The following NEB variants were observed in gnomAD, a reference collection of about 807,000 sequenced individuals.
NEB encodes the protein nebulin.
NEB carries 512 observed loss-of-function variants against 952.2 expected under a neutral mutation model. That is an observed-to-expected ratio of 0.54 (90% CI 0.50 to 0.58). The LOEUF (loss-of-function observed/expected upper bound fraction) is 0.58. NEB is among the 20% of genes least tolerant of loss of function. NEB has a pLI of 0.00. For synonymous variants in NEB, 2,900 were observed against 3,149.8 expected, an observed-to-expected ratio of 0.92 and a Z score of 2.66; for missense variants, 8,428 against 9,231.1, an observed-to-expected ratio of 0.91 and a Z score of 3.56.
chr2:151,612,189 G>T lies in NEB; in HGVS notation c.11802C>A (p.Ser3934Arg). The change falls in exon 78 of 182, where the codon AGC becomes AGA. Residue 3934 changes from serine to arginine, a missense_variant. This residue lies in a region of NEB where 337 missense variants were observed against 297.5 expected (regional missense o/e 1.13). Transcript: ENST00000397345. ...CAGAAAACAGCTGGAGACTCACCTT[G>T]CTCATTGTCAGGGCATTATTCTTTG... ...VLAKNNALTM[S>R]KHLYTEAWDA... is the part of the protein sequence containing the mutation. The T allele has an allele frequency of 1.2e-6, 2 of 1,612,874 alleles. No homozygotes were observed. Among genetic ancestry groups the T allele is most frequent in the Non-Finnish European group, 1.7e-6 (2 of 1,179,116 alleles).
chr2:151,558,530 C>T (rs543499208), intron 124 of NEB, among the ~76,000 whole-genome samples: 71 of 151,704 alleles, frequency 4.7e-4, no homozygotes, highest in African/African-American at 1.5e-3. Flanking sequence ...GGAGGCATTA[C>T]GCTATCTGAC....
At chr2:151,657,286 C>G (rs1017213527) in intron 48 of NEB, among the ~76,000 whole-genome samples, 3 of 151,940 alleles carry the variant, frequency 2.0e-5, no homozygotes, top group Non-Finnish European at 2.9e-5. Context: ...GATGGGTGAC[C>G]AAGGAGAGAT....
intron 148 of NEB, among the ~76,000 whole-genome samples, chr2:151,526,557 A>G (rs1234629615): frequency 6.6e-6 from 1 of 152,198 alleles, no homozygotes; most frequent in East Asian, 1.9e-4. Flanking sequence ...TGAGCCCATT[A>G]TTATTCCGTC....
intron 165 of NEB, among the ~76,000 whole-genome samples, chr2:151,504,855 A>C (rs1463846386): frequency 6.6e-6 from 1 of 152,140 alleles, no homozygotes; most frequent in Non-Finnish European, 1.5e-5. Context: ...AGGTGCCTGA[A>C]ATTCCCATGA....
Position 151,631,352 on chromosome 2 carries a change from C to G in NEB, c.9415-6G>C, listed in dbSNP as rs2154073663. 4 of 1,606,488 alleles carry G rather than the reference C, an allele frequency of 2.5e-6. No homozygotes were observed. Among genetic ancestry groups the G allele is most frequent in the Non-Finnish European group, 3.4e-6 (4 of 1,174,644 alleles). The stretch of plus-strand genomic sequence containing the variant: ...AGATCTGACTTGTAAATATTCTGAG[C>G]AGAGGAAAAAAGTCAAAAACTCTTC... On this transcript the variant is annotated splice_region_variant and splice_polypyrimidine_tract_variant and intron_variant, in intron 65 of 181. Coordinates refer to ENST00000397345, the MANE Select transcript of NEB (RefSeq NM_001164508.2).
rs185862134 is a variant in NEB at position 151,503,242 on chromosome 2, G to C, written c.23835+107C>G. ...CAGGTAATAATACACAACACACACA[G>C]ACACACACAGAATTGCTGTTAAGAT... On this transcript the variant is annotated intron_variant, in intron 166 of 181. Transcript: ENST00000397345. 6.4e-5 allele frequency: 52 copies of C among 809,614 alleles called. No individual in the cohort carries two copies. In the East Asian group the frequency reaches 7.3e-4, roughly 11 times the overall value. 50.2% of individuals were successfully genotyped at this position (809,614 alleles called of 1,614,324 possible).
chr2:151,670,991 C>T (rs374044989), intron 38 of NEB, 32 bp downstream of exon 38: 160 of 1,588,216 alleles, frequency 1.0e-4, no homozygotes, highest in Non-Finnish European at 1.3e-4. Context: ...TGGTTATTTA[C>T]GGGCAAATCA....
In NEB at chr2:151,633,930, G is replaced by A. The variant is rs774106087; in HGVS notation, c.9138C>T (p.Gly3046=). The A allele has an allele frequency of 1.2e-5, 20 of 1,613,582 alleles. No individual in the cohort carries two copies. The highest frequency in any genetic ancestry group is 4.2e-6 in the Non-Finnish European group (5 of 1,179,664). Residue 3046 remains glycine, a synonymous_variant, in exon 65 of 182, where the codon GGC becomes GGT. Coordinates refer to ENST00000397345, the MANE Select transcript of NEB (RefSeq NM_001164508.2). ...KYKDGYCKQL[G]HHIGARNIED... is the part of the protein sequence containing the mutation. ...CAATGTTCCGGGCTCCAATATGGTG[G>A]CCAAGTTGCTTGCAGTAACCATCTT...
chr2:151,682,826 A>G (rs2148742342), intron 28 of NEB, 57 bp from the exon 29 acceptor site: 1 of 1,440,390 alleles, frequency 6.9e-7, no homozygotes, highest in East Asian at 2.4e-5. Context: ...ATTATGTAAA[A>G]TCATCAAAGT....
chr2:151,507,721 T>C, intron 162 of NEB: 1 of 352,098 alleles, frequency 2.8e-6, no homozygotes, highest in Non-Finnish European at 5.2e-6. Flanking sequence ...ATCTGTCTTT[T>C]GTTACAGGGG....
At chr2:151,639,773 T>A in intron 62 of NEB, 84 bp downstream of exon 62, 1 of 1,182,256 alleles carries the variant, frequency 8.5e-7, no homozygotes, top group Non-Finnish European at 1.2e-6. Flanking sequence ...TATTACTCAA[T>A]GTTCTTTCTT....
intron 55 of NEB, among the ~76,000 whole-genome samples, chr2:151,645,592 G>A (rs553416014): frequency 3.3e-5 from 5 of 152,244 alleles, no homozygotes; most frequent in East Asian, 3.9e-4. Flanking sequence ...TCAGTCCTTC[G>A]TGGAACTACT....
At position 151,570,058 on chromosome 2, in the gene NEB, A is replaced by G. The variant is rs558350064; in HGVS notation, c.17430+23T>C. On this transcript the variant is annotated intron_variant, in intron 109 of 181. Coordinates refer to ENST00000397345, the MANE Select transcript of NEB (RefSeq NM_001164508.2). Reference sequence around the variant, plus strand: ...TCATGGCAAACTGAGAAAAGAGTTCAACCCCAAATGCAGCCCACTCACATC... The same window carrying G: ...TCATGGCAAACTGAGAAAAGAGTTCGACCCCAAATGCAGCCCACTCACATC... 1.4e-5 allele frequency: 22 copies of G among 1,584,128 alleles called. No homozygotes were observed. In the African/African-American group the frequency reaches 2.1e-4, roughly 15 times the overall value.
At chr2:151,660,141 T>C (rs2099130795) in intron 46 of NEB, among the ~76,000 whole-genome samples, 1 of 152,194 alleles carries the variant, frequency 6.6e-6, no homozygotes, top group African/African-American at 2.4e-5. Flanking sequence ...TACAAAGATC[T>C]AGCCATTTCA....
intron 13 of NEB, among the ~76,000 whole-genome samples, chr2:151,705,278 T>C (rs1461640087): frequency 6.6e-6 from 1 of 152,212 alleles, no homozygotes; most frequent in South Asian, 2.1e-4. Context: ...GTTTTAAATA[T>C]GCAGCTGATA....
rs184454057 is a variant in NEB, at chr2:151,527,054, A to G, written c.21841-32T>C. Reference sequence around the variant, plus strand: ...TAGAAGAAAGGCAGAAGAAAAGGGAAGGGTGACAGCACAGGAGGAAGCTGG... The same window carrying G: ...TAGAAGAAAGGCAGAAGAAAAGGGAGGGGTGACAGCACAGGAGGAAGCTGG... On this transcript the variant is annotated intron_variant, in intron 147 of 181. Coordinates refer to ENST00000397345, the MANE Select transcript of NEB (RefSeq NM_001164508.2). The G allele has an allele frequency of 1.0e-5, 15 of 1,433,598 alleles. No homozygotes were observed. The East Asian group carries it at 2.6e-4, about 25-fold the overall frequency. The allele number at this position is 1,433,598 out of a possible 1,614,324, so 88.8% of individuals were successfully genotyped here. A position where few individuals can be genotyped will look rare whatever the true frequency, so the allele number is the denominator to read the frequency against.
At chr2:151,495,304 A>G (rs1049382745) in intron 173 of NEB, 6 of 152,214 alleles carry the variant, frequency 3.9e-5, no homozygotes, top group Non-Finnish European at 7.3e-5. Context: ...GTGATTCTCA[A>G]CGTGGGGTCC....
intron 48 of NEB, 37 bp from the exon 49 acceptor site, chr2:151,656,501 C>G: frequency 7.3e-7 from 1 of 1,368,648 alleles, no homozygotes; most frequent in Non-Finnish European, 9.7e-7. Context: ...CAGAGCAATT[C>G]CTTTGACTAA....
At chr2:151,675,895 G>A (rs1178635408) in intron 34 of NEB, among the ~76,000 whole-genome samples, 1 of 152,008 alleles carries the variant, frequency 6.6e-6, no homozygotes, top group African/African-American at 2.4e-5. Flanking sequence ...TACTCAAAAG[G>A]CTCACTATTT....
Sources: gnomAD v4.1 joint callset for allele counts (sites outside exome capture counted in the v4.1 genomes callset) on GRCh38, gnomAD v4.1.1 for gene constraint, gnomAD v4.1.1 regional missense constraint, MANE v1.5 for transcripts, NCBI Gene and HGNC (gene_info 2026-07-23, HGNC 2026-07-21) for gene names.